The following CTNND2 variants were observed in gnomAD, a reference collection of about 807,000 sequenced individuals.
CTNND2 encodes the protein catenin delta-2.
Under a neutral mutation model 144.4 loss-of-function variants are expected in CTNND2, and 22 were observed. That is an observed-to-expected ratio of 0.15 (90% CI 0.11 to 0.22). CTNND2 has a LOEUF of 0.22. CTNND2 is among the 10% of genes least tolerant of loss of function. The pLI, the probability that CTNND2 is intolerant of heterozygous loss-of-function variation, is 1.00. For synonymous variants in CTNND2, 751 were observed against 695.6 expected, an observed-to-expected ratio of 1.08 and a Z score of -1.25; for missense variants, 1,353 against 1,618.8, an observed-to-expected ratio of 0.84 and a Z score of 2.82.
chr5:11,630,561 C>T (rs988627043), intron 2 of CTNND2, among the ~76,000 whole-genome samples: 3 of 152,104 alleles, frequency 2.0e-5, no homozygotes, highest in African/African-American at 4.8e-5. Flanking sequence ...GGTAACTTAC[C>T]CATTTATGTG....
At chr5:11,692,053 T>TA (rs557259262) in intron 2 of CTNND2, among the ~76,000 whole-genome samples, 12 of 152,138 alleles carry the variant, frequency 7.9e-5, no homozygotes, top group African/African-American at 1.7e-4. Flanking sequence ...GAAACTGGTT[T>TA]AAAAAAAAGT....
At chr5:11,221,938 A>C (rs955672000) in intron 10 of CTNND2, among the ~76,000 whole-genome samples, 8 of 152,208 alleles carry the variant, frequency 5.3e-5, no homozygotes, top group African/African-American at 1.4e-4. Flanking sequence ...GGTGGATATA[A>C]AGTTAAACTA....
intron 16 of CTNND2, among the ~76,000 whole-genome samples, chr5:11,047,026 T>G (rs144202538): frequency 6.6e-6 from 1 of 152,286 alleles, no homozygotes; most frequent in African/African-American, 2.4e-5. Flanking sequence ...AAATAAAGTT[T>G]AAAATTCTGT....
intron 14 of CTNND2, among the ~76,000 whole-genome samples, chr5:11,110,650 C>T (rs572785938): frequency 1.3e-4 from 20 of 152,118 alleles, no homozygotes; most frequent in Non-Finnish European, 2.9e-4. Flanking sequence ...AAGTAATTTC[C>T]TATCCTGGCT....
At chr5:11,156,148 A>G (rs925741222) in intron 12 of CTNND2, among the ~76,000 whole-genome samples, 11 of 152,228 alleles carry the variant, frequency 7.2e-5, no homozygotes, top group South Asian at 6.2e-4. Flanking sequence ...TTGTCTAAAG[A>G]CAGAATAGTG....
chr5:11,232,753 G>A (rs901075467), intron 10 of CTNND2, among the ~76,000 whole-genome samples: 21 of 152,272 alleles, frequency 1.4e-4, no homozygotes, highest in African/African-American at 3.6e-4. Context: ...GCATGATTGC[G>A]TTTTAAAATG....
chr5:11,461,558 C>CTGAA (rs1766226831), intron 3 of CTNND2, among the ~76,000 whole-genome samples: 1 of 152,110 alleles, frequency 6.6e-6, no homozygotes, highest in Non-Finnish European at 1.5e-5. Context: ...GAGACCCCAG[C>CTGAA]TGAAGCTTGC....
At chr5:11,553,635 G>A (rs2150088404) in intron 3 of CTNND2, among the ~76,000 whole-genome samples, 1 of 152,168 alleles carries the variant, frequency 6.6e-6, no homozygotes, top group South Asian at 2.1e-4. Flanking sequence ...ACATAACAAT[G>A]AAATTTAGCT....
chr5:11,620,205 C>G (rs942888342), intron 2 of CTNND2, among the ~76,000 whole-genome samples: 1 of 152,044 alleles, frequency 6.6e-6, no homozygotes, highest in African/African-American at 2.4e-5. Flanking sequence ...ATCTTGGGAC[C>G]TGGCTGACCT....
chr5:11,805,923 G>T (rs1164946702), intron 1 of CTNND2, among the ~76,000 whole-genome samples: 8 of 152,106 alleles, frequency 5.3e-5, no homozygotes, highest in Non-Finnish European at 7.4e-5. Flanking sequence ...AGTGAGCAAG[G>T]TCAACGTCAA....
rs73743031 is a variant in CTNND2, at chr5:11,714,632, C to A, written c.174+17504G>T. Among the ~76,000 whole-genome samples the A allele has an allele frequency of 8.9e-3, 1,354 of 152,046 alleles. 11 individuals carry two copies. The highest frequency in any genetic ancestry group is 0.015 in the Non-Finnish European group (1,045 of 68,002). On this transcript the variant is annotated intron_variant, in intron 2 of 21. Transcript: ENST00000304623. ...AATTGTAATAATTCAGGGGGCCTGGCGCAGTGGTTCACACCTGTAATCCCA... is the reference window on the plus strand; with the variant it reads ...AATTGTAATAATTCAGGGGGCCTGGAGCAGTGGTTCACACCTGTAATCCCA...
intron 2 of CTNND2, among the ~76,000 whole-genome samples, chr5:11,666,545 A>G (rs1783578650): frequency 6.6e-6 from 1 of 152,208 alleles, no homozygotes; most frequent in Non-Finnish European, 1.5e-5. Flanking sequence ...GTTTGGATAA[A>G]AGTAAAAGTG....
At chr5:11,554,954 C>T (rs976272970) in intron 3 of CTNND2, among the ~76,000 whole-genome samples, 4 of 150,744 alleles carry the variant, frequency 2.7e-5, no homozygotes, top group African/African-American at 9.7e-5. Context: ...ATAAAATGTA[C>T]ATAACATAAA....
intron 2 of CTNND2, among the ~76,000 whole-genome samples, chr5:11,662,995 G>A (rs1448465607): frequency 6.6e-6 from 1 of 152,202 alleles, no homozygotes; most frequent in Non-Finnish European, 1.5e-5. Flanking sequence ...GACCAGGATG[G>A]TATTAAGCCA....
In CTNND2 at chr5:10,973,234, T is replaced by C. The variant is rs1445247917; in HGVS notation, c.*219A>G. 3.9e-6 allele frequency: 2 copies of C among 515,698 alleles called. No individual in the cohort carries two copies. The highest frequency in any genetic ancestry group is 6.6e-6 in the Non-Finnish European group (2 of 302,718). 31.9% of individuals were successfully genotyped at this position (515,698 alleles called of 1,614,324 possible). ...GCTAGAAAGGTGCTGCCCACTGTCATATTTAGGATCACTTTAGCTTTCTAC... is the reference window on the plus strand; with the variant it reads ...GCTAGAAAGGTGCTGCCCACTGTCACATTTAGGATCACTTTAGCTTTCTAC... On this transcript the variant is annotated 3_prime_UTR_variant, in exon 22 of 22. Coordinates refer to ENST00000304623, the MANE Select transcript of CTNND2 (RefSeq NM_001332.4). This position sits in a 1 kb window ranked among gnomAD's most constrained non-coding sequence, Gnocchi z 5.6.
rs148964429 is a variant in CTNND2, at chr5:11,618,684, A to G, written c.175-53628T>C. Among the ~76,000 whole-genome samples the G allele has an allele frequency of 1.5e-3, 233 of 152,358 alleles. 2 individuals carry two copies. The highest frequency in any genetic ancestry group is 0.014 in the Admixed American group (211 of 15,300). On this transcript the variant is annotated intron_variant, in intron 2 of 21. Transcript: ENST00000304623. ...CAAGAAATAATTACCACTGCATGGT[A>G]CAGTTTACCATAAATTGATTTTTTT... is the stretch of plus-strand genomic sequence containing the variant.
At chr5:11,659,004 T>C (rs528811027) in intron 2 of CTNND2, among the ~76,000 whole-genome samples, 2 of 152,298 alleles carry the variant, frequency 1.3e-5, no homozygotes, top group South Asian at 2.1e-4. Context: ...TAAAAACTTT[T>C]AAAAATTCAT....
intron 2 of CTNND2, among the ~76,000 whole-genome samples, chr5:11,686,467 A>T (rs1026635242): frequency 2.0e-5 from 3 of 152,128 alleles, no homozygotes; most frequent in Admixed American, 2.0e-4. Context: ...ATTCAATTGT[A>T]TAATAACAAT....
intron 2 of CTNND2, among the ~76,000 whole-genome samples, chr5:11,567,982 G>A (rs1417821759): frequency 6.6e-6 from 1 of 152,144 alleles, no homozygotes; most frequent in Non-Finnish European, 1.5e-5. Context: ...TTTGAGCCTT[G>A]CTTTTTAGAT....
Sources: allele counts gnomAD v4.1 joint callset (sites outside exome capture counted in the v4.1 genomes callset), GRCh38; gene constraint gnomAD v4.1.1; non-coding constraint Gnocchi (gnomAD v3.1); transcripts MANE v1.5; gene names NCBI Gene and HGNC (gene_info 2026-07-23, HGNC 2026-07-21).